Variants in ATG10 observed in about 807,000 individuals in gnomAD.
ATG10 encodes the protein ubiquitin-like-conjugating enzyme ATG10.
A neutral mutation model predicts 32.1 loss-of-function variants in ATG10; 30 were observed. The observed-to-expected ratio is 0.94, with a 90% CI of 0.70 to 1.27. The LOEUF is 1.27. ATG10 is among the 50% of genes most tolerant of loss of function. The probability of loss-of-function intolerance (pLI) is 0.00; values close to 1 mark genes in which losing one functional copy is unlikely to be tolerated. For synonymous variants in ATG10, 87 were observed against 91.5 expected (o/e 0.95, Z 0.28); for missense variants, 233 against 262.3 (o/e 0.89, Z 0.77).
At chr5:82,112,241 C>T (rs1248134419) in intron 3 of ATG10, among the ~76,000 whole-genome samples, 3 of 151,726 alleles carry the variant, frequency 2.0e-5, no homozygotes, top group African/African-American at 7.3e-5. Context: ...TCATGCATAG[C>T]CCAGAACTTT....
At chr5:82,117,567 G>C (rs1765857510) in intron 3 of ATG10, among the ~76,000 whole-genome samples, 1 of 152,040 alleles carries the variant, frequency 6.6e-6, no homozygotes, top group African/African-American at 2.4e-5. Flanking sequence ...GCTATCTCCT[G>C]GCACTCTCAA....
At chr5:82,004,776 C>T (rs563355937) in intron 2 of ATG10, among the ~76,000 whole-genome samples, 4 of 152,204 alleles carry the variant, frequency 2.6e-5, no homozygotes, top group African/African-American at 9.6e-5. Context: ...ACAGTGTCAA[C>T]TTGCTATGAA....
intron 2 of ATG10, among the ~76,000 whole-genome samples, chr5:82,027,891 AACTGC>A (rs755911883): frequency 2.0e-5 from 3 of 152,250 alleles, no homozygotes; most frequent in Non-Finnish European, 2.9e-5. Flanking sequence ...GTGCCAAGCA[AACTGC>A]ACTGGCACCT....
chr5:81,981,538 A>T (rs1183318534), intron 1 of ATG10, among the ~76,000 whole-genome samples: 1 of 152,268 alleles, frequency 6.6e-6, no homozygotes, highest in African/African-American at 2.4e-5. Context: ...ACTTAGAGTT[A>T]TAAATAATGT....
intron 5 of ATG10, among the ~76,000 whole-genome samples, chr5:82,190,426 G>T (rs2149944029): frequency 6.6e-6 from 1 of 151,880 alleles, no homozygotes; most frequent in South Asian, 2.1e-4. Flanking sequence ...TTACATCACA[G>T]ACATTTTTGC....
chr5:82,195,094 T>G (rs1310351619), intron 5 of ATG10, among the ~76,000 whole-genome samples: 1 of 152,300 alleles, frequency 6.6e-6, no homozygotes. Context: ...CACTTTGCTT[T>G]GTAACCTAGT....
At chr5:82,122,748 A>G (rs925598379) in intron 3 of ATG10, among the ~76,000 whole-genome samples, 5 of 152,362 alleles carry the variant, frequency 3.3e-5, no homozygotes, top group East Asian at 1.9e-4. Flanking sequence ...GCCAACATGC[A>G]TATGAAAAAA....
chr5:82,180,590 C>T (rs1744192456), intron 5 of ATG10, among the ~76,000 whole-genome samples: 1 of 152,086 alleles, frequency 6.6e-6, no homozygotes, highest in South Asian at 2.1e-4. Flanking sequence ...TCAGTGGCCA[C>T]AAACTGTACA....
intron 1 of ATG10, among the ~76,000 whole-genome samples, chr5:81,982,714 T>C (rs1761090948): frequency 6.6e-6 from 1 of 152,156 alleles, no homozygotes; most frequent in Non-Finnish European, 1.5e-5. Context: ...CCTGCGGCCT[T>C]CCGCAGTGTT....
rs202189391 is a variant in ATG10, at chr5:81,987,609, A to G, written c.39A>G (p.Gln13=). Residue 13 remains glutamine (Q), a synonymous_variant, in exon 2 of 8, where the codon CAA becomes CAG. Transcript: ENST00000282185. ...EDEFIGEKTF[Q]RYCAEFIKHS... is the part of the protein sequence containing the mutation. Reference sequence around the variant, plus strand: ...AGTTCATTGGAGAAAAAACATTCCAACGTTATTGTGCAGAATTCATTAAAC... The same window carrying G: ...AGTTCATTGGAGAAAAAACATTCCAGCGTTATTGTGCAGAATTCATTAAAC... The G allele has an allele frequency of 3.1e-6, 5 of 1,612,834 alleles. No homozygotes were observed. The East Asian group carries it at 6.7e-5, about 22-fold the overall frequency.
intron 3 of ATG10, among the ~76,000 whole-genome samples, chr5:82,089,115 A>G (rs574217233): frequency 1.3e-5 from 2 of 152,084 alleles, no homozygotes; most frequent in African/African-American, 4.8e-5. Context: ...ACTTTGGGAG[A>G]CTGAGGTGTG....
At chr5:82,035,522 G>A (rs1762892478) in intron 2 of ATG10, among the ~76,000 whole-genome samples, 4 of 151,884 alleles carry the variant, frequency 2.6e-5, no homozygotes, top group Non-Finnish European at 4.4e-5. Flanking sequence ...TTTCTCATAT[G>A]CTCTATAAAA....
At chr5:82,221,127 C>T (rs112912868) in intron 5 of ATG10, among the ~76,000 whole-genome samples, 396 of 152,272 alleles carry the variant, frequency 2.6e-3, no homozygotes, top group African/African-American at 9.0e-3. Context: ...CTGTGCTTCT[C>T]TCTGTCTGGA....
chr5:82,066,593 GA>G (rs1440771059), intron 3 of ATG10, among the ~76,000 whole-genome samples: 1 of 151,950 alleles, frequency 6.6e-6, no homozygotes, highest in Non-Finnish European at 1.5e-5. Context: ...TGAGGCCCTC[GA>G]CAAAAAACAA....
At chr5:82,231,231 A>T (rs940728845) in intron 5 of ATG10, among the ~76,000 whole-genome samples, 16 of 152,226 alleles carry the variant, frequency 1.1e-4, no homozygotes, top group African/African-American at 3.9e-4. Flanking sequence ...GATCCAAACT[A>T]TTAAAAACAC....
In ATG10 at chr5:82,196,384, G is replaced by A. The variant is rs556887057; in HGVS notation, c.453+17797G>A. Reference sequence around the variant, plus strand: ...TTGGCTCACAAAAGTTTTTTATGTAGGTAAAGTCCAATTTATCTATTTTTT... The same window carrying A: ...TTGGCTCACAAAAGTTTTTTATGTAAGTAAAGTCCAATTTATCTATTTTTT... On this transcript the variant is annotated intron_variant, in intron 5 of 7. Transcript: ENST00000282185. 6.6e-5 allele frequency among the ~76,000 whole-genome samples: 10 copies of A among 151,986 alleles called. No homozygotes were observed. In the East Asian group the frequency reaches 9.7e-4, roughly 15 times the overall value.
At chr5:82,109,823 T>G (rs1765558247) in intron 3 of ATG10, among the ~76,000 whole-genome samples, 1 of 151,208 alleles carries the variant, frequency 6.6e-6, no homozygotes, top group Non-Finnish European at 1.5e-5. Context: ...TTTATTATAC[T>G]TTTAAGTTCT....
At chr5:82,224,357 ACATGGGCAAAAG>A (rs1233106278) in intron 5 of ATG10, among the ~76,000 whole-genome samples, 1 of 152,238 alleles carries the variant, frequency 6.6e-6, no homozygotes, top group Non-Finnish European at 1.5e-5. Flanking sequence ...ACCACATGCA[ACATGGGCAAAAG>A]CCTGTATACA....
chr5:81,985,747 T>C (rs934652665), intron 1 of ATG10, among the ~76,000 whole-genome samples: 1 of 152,216 alleles, frequency 6.6e-6, no homozygotes, highest in East Asian at 1.9e-4. Flanking sequence ...CATTTGCTTA[T>C]AGAAATAACA....
Sources: gnomAD v4.1 joint callset for allele counts (sites outside exome capture counted in the v4.1 genomes callset) on GRCh38, gnomAD v4.1.1 for gene constraint, MANE v1.5 for transcripts, NCBI Gene and HGNC (gene_info 2026-07-23, HGNC 2026-07-21) for gene names.